The following C8orf34 variants were observed in gnomAD, a reference collection of about 807,000 sequenced individuals.
C8orf34 encodes the protein chromosome 8 open reading frame 34, also known as uncharacterized protein C8orf34.
In C8orf34, 65 loss-of-function variants were observed where a neutral mutation model predicts 68.3. That is an observed-to-expected ratio of 0.95 (90% CI 0.78 to 1.17). The LOEUF (loss-of-function observed/expected upper bound fraction) is 1.17, where lower values mean the gene tolerates loss of function less well. Ranked by LOEUF, C8orf34 falls within the 50% of genes most tolerant of loss-of-function variation. The pLI, the probability that C8orf34 is intolerant of heterozygous loss-of-function variation, is 0.00. For synonymous variants in C8orf34, 244 were observed against 241.2 expected, an observed-to-expected ratio of 1.01 and a Z score of -0.11; for missense variants, 664 against 655.4, an observed-to-expected ratio of 1.01 and a Z score of -0.14.
At chr8:68,383,062 A>G (rs2129620290) in intron 1 of C8orf34, among the ~76,000 whole-genome samples, 1 of 152,256 alleles carries the variant, frequency 6.6e-6, no homozygotes. Flanking sequence ...TATATATTGT[A>G]GCATAGGTTA....
chr8:68,404,300 A>G (rs1047652024), intron 1 of C8orf34, among the ~76,000 whole-genome samples: 2 of 152,190 alleles, frequency 1.3e-5, no homozygotes, highest in African/African-American at 4.8e-5. Context: ...ATAGATTGCA[A>G]AAAGTTTCTC....
intron 7 of C8orf34, among the ~76,000 whole-genome samples, chr8:68,573,952 A>G (rs1816827919): frequency 1.3e-5 from 2 of 152,186 alleles, no homozygotes; most frequent in Admixed American, 1.3e-4. Context: ...GCATATTCTT[A>G]TCTTGCACAT....
chr8:68,758,088 G>A (rs886930536), intron 10 of C8orf34, among the ~76,000 whole-genome samples: 1 of 152,202 alleles, frequency 6.6e-6, no homozygotes, highest in Non-Finnish European at 1.5e-5. Context: ...CACACTGATG[G>A]CATCGGGGAT....
At chr8:68,610,789 AT>A (rs1453751319) in intron 7 of C8orf34, among the ~76,000 whole-genome samples, 1 of 152,006 alleles carries the variant, frequency 6.6e-6, no homozygotes, top group Non-Finnish European at 1.5e-5. Flanking sequence ...ATGTATTCCA[AT>A]GATGAAAAAC....
intron 5 of C8orf34, among the ~76,000 whole-genome samples, chr8:68,517,762 G>A (rs1255210198): frequency 6.6e-6 from 1 of 152,036 alleles, no homozygotes; most frequent in Non-Finnish European, 1.5e-5. Context: ...TATTTCTGTT[G>A]TTCCAGTGGT....
chr8:68,362,475 G>T (rs571632006), intron 1 of C8orf34, among the ~76,000 whole-genome samples: 1 of 152,204 alleles, frequency 6.6e-6, no homozygotes, highest in South Asian at 2.1e-4. Flanking sequence ...CGTGAGCGAC[G>T]CAGAAGACGG....
At chr8:68,564,481 C>T (rs1034469838) in intron 7 of C8orf34, among the ~76,000 whole-genome samples, 5 of 152,164 alleles carry the variant, frequency 3.3e-5, no homozygotes, top group African/African-American at 1.2e-4. Flanking sequence ...TAATGAAGAA[C>T]TGGATATTGC....
intron 10 of C8orf34, among the ~76,000 whole-genome samples, chr8:68,768,345 T>C (rs2129528275): frequency 6.6e-6 from 1 of 152,316 alleles, no homozygotes; most frequent in East Asian, 1.9e-4. Context: ...AAGTCTTGGC[T>C]TATTTTAGTG....
In C8orf34 at chr8:68,488,064, A is replaced by G. The variant is rs1323465270; in HGVS notation, c.765+13A>G. On this transcript the variant is annotated intron_variant, in intron 5 of 13. Transcript: ENST00000518698. ...TGAACTCGATAAGGTAAGTTGAACT[A>G]TACATCTGGTGAAAAGAAAATGTAG... 2 of 1,565,842 alleles carry G rather than the reference A, an allele frequency of 1.3e-6. No homozygotes were observed. The highest frequency in any genetic ancestry group is 1.4e-5 in the African/African-American group (1 of 73,126).
intron 12 of C8orf34, among the ~76,000 whole-genome samples, chr8:68,805,154 T>A (rs1824445808): frequency 6.6e-6 from 1 of 152,244 alleles, no homozygotes; most frequent in Admixed American, 6.5e-5. Context: ...AGCTTTGTTT[T>A]CATCCTGCAT....
intron 5 of C8orf34, among the ~76,000 whole-genome samples, chr8:68,519,732 G>T (rs1814668923): frequency 6.6e-6 from 1 of 152,006 alleles, no homozygotes; most frequent in African/African-American, 2.4e-5. Context: ...TCACCTGGGG[G>T]TGGGGGGGAA....
chr8:68,459,598 G>A (rs1043331426), intron 3 of C8orf34, among the ~76,000 whole-genome samples: 2 of 152,110 alleles, frequency 1.3e-5, no homozygotes, highest in Non-Finnish European at 2.9e-5. Context: ...AGAACAGTAC[G>A]GAGATTTCTC....
intron 6 of C8orf34, among the ~76,000 whole-genome samples, chr8:68,527,896 T>C (rs1563509369): frequency 6.6e-6 from 1 of 152,202 alleles, no homozygotes; most frequent in East Asian, 1.9e-4. Flanking sequence ...TTAATGGTTG[T>C]AGGATCCACA....
chr8:68,487,485 A>G (rs1813127809), intron 4 of C8orf34, among the ~76,000 whole-genome samples: 1 of 152,136 alleles, frequency 6.6e-6, no homozygotes, highest in African/African-American at 2.4e-5. Flanking sequence ...GGAACTTGTG[A>G]TGAAGAATCA....
At chr8:68,515,525 TG>T (rs1362074697) in intron 5 of C8orf34, among the ~76,000 whole-genome samples, 4 of 152,126 alleles carry the variant, frequency 2.6e-5, no homozygotes, top group African/African-American at 4.8e-5. Context: ...CTTATGTCCT[TG>T]CACTCCATTT....
chr8:68,786,443 A>G (rs919633029), intron 11 of C8orf34, among the ~76,000 whole-genome samples: 3 of 152,174 alleles, frequency 2.0e-5, no homozygotes, highest in African/African-American at 7.2e-5. Context: ...TATTATTTTT[A>G]AGGACGGAAA....
chr8:68,393,914 T>C (rs952614855), intron 1 of C8orf34, among the ~76,000 whole-genome samples: 14 of 152,086 alleles, frequency 9.2e-5, no homozygotes, highest in African/African-American at 3.4e-4. Flanking sequence ...AGGGGAGAGA[T>C]GATGGTGGCT....
At chr8:68,781,007 G>A (rs556069635) in intron 11 of C8orf34, among the ~76,000 whole-genome samples, 8 of 152,222 alleles carry the variant, frequency 5.3e-5, no homozygotes, top group African/African-American at 1.7e-4. Context: ...ATTTTACAGG[G>A]ATTCCATGGT....
At chr8:68,573,757 TGCA>T (rs1816822809) in intron 7 of C8orf34, among the ~76,000 whole-genome samples, 1 of 152,168 alleles carries the variant, frequency 6.6e-6, no homozygotes, top group Non-Finnish European at 1.5e-5. Context: ...AATTGTTCAA[TGCA>T]GCAGGATTGT....
Sources: gnomAD v4.1 joint callset for allele counts (sites outside exome capture counted in the v4.1 genomes callset) on GRCh38, gnomAD v4.1.1 for gene constraint, MANE v1.5 for transcripts, NCBI Gene and HGNC (gene_info 2026-07-23, HGNC 2026-07-21) for gene names.